Variants in PABPC1L observed in about 807,000 individuals in gnomAD.
The protein encoded by PABPC1L is poly(A) binding protein cytoplasmic 1 like.
In PABPC1L, 31 loss-of-function variants were observed where a neutral mutation model predicts 66.6. The observed-to-expected ratio is 0.47, with a 90% CI of 0.35 to 0.63. The LOEUF is 0.63. Among genes scored for constraint, PABPC1L ranks in the 20% least tolerant of loss-of-function variants. PABPC1L has a pLI of 0.00. For synonymous variants in PABPC1L, 348 were observed against 335.1 expected (o/e 1.04, Z -0.42); for missense variants, 722 against 848.8 (o/e 0.85, Z 1.86).
intron 12 of PABPC1L, chr20:44,936,981 G>A (rs3746584): frequency 0.23 from 140,526 of 602,848 alleles, 17,330 homozygotes; most frequent in Admixed American, 0.32. Context: ...TTTGAGGTTG[G>A]GAGACAGTCC....
At chr20:44,927,778 A>G (rs1392589049) in intron 7 of PABPC1L, among the ~76,000 whole-genome samples, 4 of 151,698 alleles carry the variant, frequency 2.6e-5, no homozygotes, top group Non-Finnish European at 5.9e-5. Context: ...GCAGCCTCCA[A>G]CTCCTGGCCT....
At position 44,935,542 on chromosome 20, in the gene PABPC1L, G is replaced by A. The variant is rs777331070; in HGVS notation, c.1566+45G>A. 8.4e-6 allele frequency: 13 copies of A among 1,542,600 alleles called. 1 individual carries two copies. Among genetic ancestry groups the A allele is most frequent in the South Asian group, 6.8e-5 (6 of 88,878 alleles). On this transcript the variant is annotated intron_variant, in intron 11 of 14. Transcript: ENST00000217073. ...CTGCTCTTAGCCTGGGCTCCTGGCC[G>A]CCTGGCTCAGAACCTTAGCTAAGGT...
chr20:44,930,437 C>T (rs1555799544), intron 7 of PABPC1L, 23 bp from the exon 8 acceptor site: 15 of 1,601,416 alleles, frequency 9.4e-6, no homozygotes, highest in Non-Finnish European at 1.2e-5. Flanking sequence ...ACCCCAGCAG[C>T]TCTTGTCTTG....
chr20:44,910,124 G>T lies in PABPC1L; in HGVS notation c.-20G>T. The T allele has an allele frequency of 2.6e-6, 4 of 1,542,772 alleles. No individual in the cohort carries two copies. Among genetic ancestry groups the T allele is most frequent in the Non-Finnish European group, 3.5e-6 (4 of 1,142,506 alleles). ...TGACCCGGCTCCTGCTTGCCCCGCAGCCCCGGCCCCCTGCCCACCATGAAC... is the reference window on the plus strand; with the variant it reads ...TGACCCGGCTCCTGCTTGCCCCGCATCCCCGGCCCCCTGCCCACCATGAAC... On this transcript the variant is annotated 5_prime_UTR_variant, in exon 1 of 15. Transcript: ENST00000217073.
chr20:44,926,271 G>C (rs915192823), intron 7 of PABPC1L, among the ~76,000 whole-genome samples: 12 of 152,156 alleles, frequency 7.9e-5, no homozygotes, highest in Non-Finnish European at 1.3e-4. Context: ...CTGTTGCCCA[G>C]GCTAGAGTGC....
chr20:44,930,138 C>T (rs2066840331), intron 7 of PABPC1L, among the ~76,000 whole-genome samples: 2 of 152,192 alleles, frequency 1.3e-5, no homozygotes, highest in Admixed American at 6.5e-5. Flanking sequence ...AAGTATCTGG[C>T]ATGCAGCAGG....
At chr20:44,932,455 C>A (rs1285373358) in intron 9 of PABPC1L, 23 bp downstream of exon 9, 7 of 1,591,874 alleles carry the variant, frequency 4.4e-6, no homozygotes, top group Non-Finnish European at 6.0e-6. Context: ...GCCCCTTCCA[C>A]TCTCAGACTG....
Position 44,924,839 on chromosome 20 carries a change from A to G in PABPC1L, c.972+583A>G, listed in dbSNP as rs181113973. Among the ~76,000 whole-genome samples, 64 of 152,128 alleles carry G rather than the reference A, an allele frequency of 4.2e-4. 1 individual carries two copies. Among genetic ancestry groups the G allele is most frequent in the African/African-American group, 1.5e-3 (64 of 41,522 alleles). ...GGCTTCTCATTACAACCCCCTGGGC[A>G]ATTCTTAAATACACACACCTCAGTC... On this transcript the variant is annotated intron_variant, in intron 7 of 14. Coordinates refer to ENST00000217073, the MANE Select transcript of PABPC1L (RefSeq NM_001372179.1).
chr20:44,938,273 G>A, intron 13 of PABPC1L, 82 bp downstream of exon 13: 1 of 1,516,142 alleles, frequency 6.6e-7, no homozygotes, highest in Non-Finnish European at 8.8e-7. Context: ...GGAGCCAGTG[G>A]ATAGCTGTTT....
intron 8 of PABPC1L, 91 bp from the exon 9 acceptor site, chr20:44,932,251 G>A: frequency 1.0e-6 from 1 of 963,306 alleles, no homozygotes; most frequent in Non-Finnish European, 1.6e-6. Context: ...AGGAGCCAGT[G>A]GAGTTCCTGC....
At chr20:44,934,788 G>A (rs1161215096) in intron 10 of PABPC1L, among the ~76,000 whole-genome samples, 1 of 152,158 alleles carries the variant, frequency 6.6e-6, no homozygotes, top group African/African-American at 2.4e-5. Context: ...TGGTTGTGCA[G>A]GCTGGGCGTG....
chr20:44,912,562 C>G, intron 1 of PABPC1L, 98 bp from the exon 2 acceptor site: 13 of 1,048,300 alleles, frequency 1.2e-5, no homozygotes, highest in Non-Finnish European at 1.8e-5. Flanking sequence ...CAATGACTTT[C>G]TCTTTATTGG....
chr20:44,914,373 AT>A (rs548516730), intron 2 of PABPC1L, among the ~76,000 whole-genome samples: 2 of 151,446 alleles, frequency 1.3e-5, no homozygotes, highest in Non-Finnish European at 2.9e-5. Flanking sequence ...CGCCCAGCTA[AT>A]TTTTTTTGTA....
intron 2 of PABPC1L, among the ~76,000 whole-genome samples, chr20:44,914,091 G>A (rs1405827782): frequency 7.2e-5 from 11 of 152,038 alleles, no homozygotes; most frequent in Admixed American, 2.0e-4. Context: ...GCTTAAACCT[G>A]GGTGTTCTGT....
intron 7 of PABPC1L, among the ~76,000 whole-genome samples, chr20:44,929,389 G>A (rs1312592473): frequency 6.6e-6 from 1 of 152,196 alleles, no homozygotes; most frequent in East Asian, 1.9e-4. Context: ...TCAGTTAATA[G>A]CATTGTAGTT....
In PABPC1L at chr20:44,914,046, G is replaced by A. The variant is rs1159510342; in HGVS notation, c.387+1193G>A. Among the ~76,000 whole-genome samples, 4 of 152,054 alleles carry A rather than the reference G, an allele frequency of 2.6e-5. 1 individual carries two copies. The highest frequency in any genetic ancestry group is 4.2e-4 in the South Asian group (2 of 4,818). ...TTATATGAGGATGTTGAGGATCAGCGGCCATATAGCAGGTCAGTATGTCTG... is the reference window on the plus strand; with the variant it reads ...TTATATGAGGATGTTGAGGATCAGCAGCCATATAGCAGGTCAGTATGTCTG... On this transcript the variant is annotated intron_variant, in intron 2 of 14. Transcript: ENST00000217073.
intron 5 of PABPC1L, 91 bp downstream of exon 5, chr20:44,919,368 TC>T: frequency 7.1e-7 from 1 of 1,398,606 alleles, no homozygotes; most frequent in Non-Finnish European, 9.9e-7. Context: ...GGGAAGAAAG[TC>T]CCTCCCCGGC....
intron 3 of PABPC1L, 50 bp downstream of exon 3, chr20:44,916,921 T>C: frequency 6.5e-7 from 1 of 1,547,468 alleles, no homozygotes; most frequent in African/African-American, 1.4e-5. Context: ...GACAGAAGCA[T>C]GGCACCACCG....
rs748233340 is a variant in PABPC1L at position 44,912,650 on chromosome 20, T to A, written c.194-10T>A. 6.3e-6 allele frequency: 10 copies of A among 1,596,776 alleles called. No individual in the cohort carries two copies. The highest frequency in any genetic ancestry group is 7.7e-6 in the Non-Finnish European group (9 of 1,166,848). On this transcript the variant is annotated splice_polypyrimidine_tract_variant and intron_variant, in intron 1 of 14. Transcript: ENST00000217073. Reference sequence around the variant, plus strand: ...AACTTGCTAATTTCTCTCCTCTTCCTTCTGTCCAGCGGAGCGGGCACTGGA... The same window carrying A: ...AACTTGCTAATTTCTCTCCTCTTCCATCTGTCCAGCGGAGCGGGCACTGGA...
Sources: gnomAD v4.1 joint callset for allele counts (sites outside exome capture counted in the v4.1 genomes callset) on GRCh38, gnomAD v4.1.1 for gene constraint, MANE v1.5 for transcripts, NCBI Gene and HGNC (gene_info 2026-07-23, HGNC 2026-07-21) for gene names.